Variants in ANKRD11 observed in about 807,000 individuals in gnomAD.
ANKRD11 encodes the protein ankyrin repeat domain-containing protein 11.
In ANKRD11, 17 loss-of-function variants were observed where a neutral mutation model predicts 195.7. That is an observed-to-expected ratio of 0.09 (90% CI 0.06 to 0.13). The LOEUF (loss-of-function observed/expected upper bound fraction) is 0.13. Among genes scored for constraint, ANKRD11 ranks in the 10% least tolerant of loss-of-function variants. The probability of loss-of-function intolerance (pLI) is 1.00; values close to 1 mark genes in which losing one functional copy is unlikely to be tolerated. For synonymous variants in ANKRD11, 1,953 were observed against 1,528.1 expected (o/e 1.28, Z -6.49); for missense variants, 3,735 against 3,566.1 (o/e 1.05, Z -1.21).
At chr16:89,287,140 G>A in intron 7 of ANKRD11, 1 of 1,287,630 alleles carries the variant, frequency 7.8e-7, no homozygotes, top group Non-Finnish European at 1.0e-6. Flanking sequence ...GTTTCTTGCA[G>A]GGCTGGGACG....
intron 1 of ANKRD11, among the ~76,000 whole-genome samples, chr16:89,434,584 G>A (rs909074266): frequency 6.6e-6 from 1 of 152,240 alleles, no homozygotes; most frequent in Admixed American, 6.5e-5. Flanking sequence ...CAGCTAATCA[G>A]CAGAAGGAAA....
chr16:89,475,525 G>C (rs563688722), intron 1 of ANKRD11, among the ~76,000 whole-genome samples: 1 of 152,240 alleles, frequency 6.6e-6, no homozygotes, highest in African/African-American at 2.4e-5. Context: ...TAAAGAACTA[G>C]GTAGAAGACA....
At chr16:89,466,669 C>T (rs1215182431) in intron 1 of ANKRD11, among the ~76,000 whole-genome samples, 1 of 151,942 alleles carries the variant, frequency 6.6e-6, no homozygotes, top group Non-Finnish European at 1.5e-5. Flanking sequence ...AGAAATAAAC[C>T]AACATAGAAT....
intron 1 of ANKRD11, among the ~76,000 whole-genome samples, chr16:89,446,448 A>G (rs1304009628): frequency 6.6e-6 from 1 of 152,104 alleles, no homozygotes; most frequent in East Asian, 1.9e-4. Flanking sequence ...TACAAAAAAC[A>G]CAAAACTTAT....
chr16:89,364,044 G>A (rs933271424), intron 2 of ANKRD11, among the ~76,000 whole-genome samples: 2 of 151,080 alleles, frequency 1.3e-5, no homozygotes, highest in Non-Finnish European at 2.9e-5. Context: ...CTGCCCAGCC[G>A]ACCAAGTGAC....
chr16:89,452,258 A>C (rs2044110647), intron 1 of ANKRD11, among the ~76,000 whole-genome samples: 1 of 151,988 alleles, frequency 6.6e-6, no homozygotes, highest in South Asian at 2.1e-4. Context: ...ACTCTGTCTC[A>C]AAATAAAACA....
chr16:89,276,695 C>T (rs1252193373), intron 9 of ANKRD11, among the ~76,000 whole-genome samples: 1 of 152,192 alleles, frequency 6.6e-6, no homozygotes, highest in East Asian at 1.9e-4. Context: ...GGAGGCTGGG[C>T]GTGCAGCAGG....
chr16:89,335,337 A>G (rs1287221634), intron 2 of ANKRD11, among the ~76,000 whole-genome samples: 1 of 152,206 alleles, frequency 6.6e-6, no homozygotes, highest in African/African-American at 2.4e-5. Flanking sequence ...TCCTTCCAGC[A>G]CAGGAACAAA....
Position 89,284,340 on chromosome 16 carries a change from T to C in ANKRD11, c.2202A>G (p.Glu734=). 1.2e-6 allele frequency: 2 copies of C among 1,613,954 alleles called. No individual in the cohort carries two copies. The highest frequency in any genetic ancestry group is 1.7e-6 in the Non-Finnish European group (2 of 1,180,010). ...CTGCTTTATTCGAACGGTCTTTCTC[T>C]TCTCGGAAAGACCTGCTGATGTCTT... ...TNKDISRSFR[E]EKDRSNKAEK... Residue 734 remains glutamate (E), a synonymous_variant, in exon 9 of 13, where the codon GAA becomes GAG. Coordinates refer to ENST00000301030, the MANE Select transcript of ANKRD11 (RefSeq NM_013275.6).
intron 2 of ANKRD11, among the ~76,000 whole-genome samples, chr16:89,361,096 T>A (rs1227867534): frequency 6.6e-6 from 1 of 152,288 alleles, no homozygotes; most frequent in Admixed American, 6.5e-5. Context: ...CCTACTCTCA[T>A]TGTGGAAACC....
At chr16:89,383,721 G>A (rs1487405779) in intron 2 of ANKRD11, among the ~76,000 whole-genome samples, 1 of 151,966 alleles carries the variant, frequency 6.6e-6, no homozygotes, top group Non-Finnish European at 1.5e-5. Context: ...CAACGCAGCA[G>A]ACGTCCAGCC....
chr16:89,286,891 T>C, intron 7 of ANKRD11: 1 of 1,289,150 alleles, frequency 7.8e-7, no homozygotes, highest in Non-Finnish European at 1.0e-6. Flanking sequence ...AGTCTGAGAT[T>C]AGCGCATTCA....
chr16:89,290,566 G>C, intron 6 of ANKRD11, 59 bp downstream of exon 6: 2 of 1,586,004 alleles, frequency 1.3e-6, no homozygotes, highest in Non-Finnish European at 1.7e-6. Flanking sequence ...GGACTCCACT[G>C]GGGGAGGCTC....
At chr16:89,295,701 G>A (rs558803035) in intron 4 of ANKRD11, among the ~76,000 whole-genome samples, 89 of 152,236 alleles carry the variant, frequency 5.8e-4, no homozygotes, top group Non-Finnish European at 8.1e-4. Context: ...CGAGGCAAAC[G>A]GCGGTGGCAC....
rs148390804 is a variant in ANKRD11, at chr16:89,389,807, G to A, written c.-60+28477C>T. ...AACACCGAGTGTGGCGGGGAGCACC[G>A]AGAGAGAAGATCACTAGGGCAAACA... On this transcript the variant is annotated intron_variant, in intron 2 of 12. Coordinates refer to ENST00000301030, the MANE Select transcript of ANKRD11 (RefSeq NM_013275.6). Among the ~76,000 whole-genome samples, 881 of 142,224 alleles carry A rather than the reference G, an allele frequency of 6.2e-3. 12 individuals carry two copies. The highest frequency in any genetic ancestry group is 0.025 in the South Asian group (100 of 4,036). 93.3% of individuals were successfully genotyped at this position (142,224 alleles called of 152,430 possible).
chr16:89,418,297 G>C lies in ANKRD11; in HGVS notation c.-73C>G, dbSNP rs1320696606. On this transcript the variant is annotated 5_prime_UTR_variant, in exon 2 of 13. Transcript: ENST00000301030. ...GTGAGTATTTACCGATTCCATAGCT[G>C]AAAGTCAGTGCTGACGAGGACTGTC... The C allele has an allele frequency of 2.2e-6, 1 of 453,964 alleles. No homozygotes were observed. The highest frequency in any genetic ancestry group is 4.4e-6 in the Non-Finnish European group (1 of 226,742). 28.1% of individuals were successfully genotyped at this position (453,964 alleles called of 1,614,324 possible). A position where few individuals can be genotyped will look rare whatever the true frequency, so the allele number is the denominator to read the frequency against.
intron 1 of ANKRD11, among the ~76,000 whole-genome samples, chr16:89,451,276 C>T (rs1170201562): frequency 6.6e-6 from 1 of 152,068 alleles, no homozygotes; most frequent in Non-Finnish European, 1.5e-5. Context: ...TCTGTAAAGA[C>T]AAATCAATGG....
At chr16:89,379,146 GC>G (rs2040541733) in intron 2 of ANKRD11, among the ~76,000 whole-genome samples, 1 of 152,218 alleles carries the variant, frequency 6.6e-6, no homozygotes, top group African/African-American at 2.4e-5. Context: ...GGTGGGGCCG[GC>G]CCCCATGCCT....
rs2035056032 is a variant in ANKRD11, at chr16:89,291,426, A to G, written c.227-243T>C. On this transcript the variant is annotated intron_variant, in intron 4 of 12. Coordinates refer to ENST00000301030, the MANE Select transcript of ANKRD11 (RefSeq NM_013275.6). The surrounding 1 kb of genome is among the most constrained non-coding windows in gnomAD (Gnocchi z 5.3). ...CGTTACCAGCCCCTCAAGTCTGCTA[A>G]GCCTGGGCCTCCACCGAGCATCCAC... 6.6e-6 allele frequency among the ~76,000 whole-genome samples: 1 copy of G among 152,052 alleles called. No homozygotes were observed. Among genetic ancestry groups the G allele is most frequent in the South Asian group, 2.1e-4 (1 of 4,818 alleles).
Sources: allele counts gnomAD v4.1 joint callset (sites outside exome capture counted in the v4.1 genomes callset), GRCh38; gene constraint gnomAD v4.1.1; non-coding constraint Gnocchi (gnomAD v3.1); transcripts MANE v1.5; gene names NCBI Gene and HGNC (gene_info 2026-07-23, HGNC 2026-07-21).